The following NCALD variants were observed in gnomAD, a reference collection of about 807,000 sequenced individuals.
The protein encoded by NCALD is neurocalcin-delta.
A neutral mutation model predicts 18.6 loss-of-function variants in NCALD; 10 were observed. The ratio of observed to expected loss-of-function variants is 0.54; its 90% confidence interval spans 0.33 to 0.91. The LOEUF (loss-of-function observed/expected upper bound fraction) is 0.91, where lower values mean the gene tolerates loss of function less well. Among genes scored for constraint, NCALD ranks in the 40% least tolerant of loss-of-function variants. NCALD has a pLI of 0.03. For synonymous variants in NCALD, 88 were observed against 87.4 expected (o/e 1.01, Z -0.04); for missense variants, 184 against 247.6 (o/e 0.74, Z 1.72).
chr8:102,057,962 A>C (rs750472767), intron 1 of NCALD, among the ~76,000 whole-genome samples: 1 of 152,364 alleles, frequency 6.6e-6, no homozygotes, highest in East Asian at 1.9e-4. Flanking sequence ...AAAGTCCACT[A>C]TTGCTCAGAG....
At chr8:101,995,013 A>G (rs1330009034) in intron 2 of NCALD, among the ~76,000 whole-genome samples, 1 of 151,916 alleles carries the variant, frequency 6.6e-6, no homozygotes, top group Non-Finnish European at 1.5e-5. Context: ...AGCCTTGTAT[A>G]TGGTAGGATT....
intron 4 of NCALD, among the ~76,000 whole-genome samples, chr8:101,867,382 C>G (rs1465706576): frequency 1.3e-5 from 2 of 152,198 alleles, no homozygotes; most frequent in Admixed American, 6.5e-5. Flanking sequence ...CGCTTTCCCC[C>G]CAGGACCTAG....
chr8:102,049,306 C>A (rs1322047060), intron 1 of NCALD, among the ~76,000 whole-genome samples: 2 of 152,176 alleles, frequency 1.3e-5, no homozygotes, highest in Non-Finnish European at 2.9e-5. Flanking sequence ...GGATCCAATC[C>A]CCCATGGATA....
intron 2 of NCALD, among the ~76,000 whole-genome samples, chr8:101,983,496 A>G (rs1259147047): frequency 6.6e-6 from 1 of 152,148 alleles, no homozygotes; most frequent in Non-Finnish European, 1.5e-5. Context: ...CCCTTTTCTT[A>G]GTAGAGAGAA....
chr8:102,061,184 C>G (rs1433660905), intron 1 of NCALD, among the ~76,000 whole-genome samples: 4 of 152,176 alleles, frequency 2.6e-5, no homozygotes, highest in African/African-American at 9.7e-5. Context: ...ACAGAATGAC[C>G]ATCTGCAGAA....
chr8:102,091,780 C>T (rs1824932472), intron 1 of NCALD, among the ~76,000 whole-genome samples: 1 of 152,184 alleles, frequency 6.6e-6, no homozygotes, highest in Non-Finnish European at 1.5e-5. Context: ...CCTCACCATA[C>T]TAATGCTTTC....
chr8:102,066,073 T>G (rs1455043384), intron 1 of NCALD, among the ~76,000 whole-genome samples: 2 of 152,138 alleles, frequency 1.3e-5, no homozygotes, highest in African/African-American at 4.8e-5. Flanking sequence ...TAACAAGTAG[T>G]AAAATGAGCC....
intron 4 of NCALD, among the ~76,000 whole-genome samples, chr8:101,802,828 C>T (rs572218878): frequency 6.6e-6 from 1 of 151,118 alleles, no homozygotes; most frequent in Non-Finnish European, 1.5e-5. Context: ...ATGAGGGCAA[C>T]CCGCTCGGGT....
At chr8:101,883,486 G>A (rs1364748158) in intron 4 of NCALD, among the ~76,000 whole-genome samples, 2 of 152,178 alleles carry the variant, frequency 1.3e-5, no homozygotes, top group South Asian at 2.1e-4. Context: ...ACTCCAGAAT[G>A]AGGCACAGGG....
At chr8:101,910,682 GGTT>G (rs1380045096) in intron 3 of NCALD, among the ~76,000 whole-genome samples, 1 of 152,136 alleles carries the variant, frequency 6.6e-6, no homozygotes, top group Non-Finnish European at 1.5e-5. Context: ...AAGATCTAGT[GGTT>G]GTTCTATTCC....
intron 4 of NCALD, among the ~76,000 whole-genome samples, chr8:101,884,648 C>G (rs1359569769): frequency 1.3e-5 from 2 of 152,190 alleles, no homozygotes; most frequent in Non-Finnish European, 2.9e-5. Flanking sequence ...TGCAAAATTG[C>G]TGGGAAATAA....
chr8:101,726,926 C>T (rs1048667417), intron 1 of NCALD, among the ~76,000 whole-genome samples: 1 of 152,126 alleles, frequency 6.6e-6, no homozygotes, highest in East Asian at 1.9e-4. Flanking sequence ...GATCACATGG[C>T]ATTTAGGCTC....
At chr8:102,015,921 G>A (rs1475363971) in intron 2 of NCALD, among the ~76,000 whole-genome samples, 1 of 152,174 alleles carries the variant, frequency 6.6e-6, no homozygotes, top group Non-Finnish European at 1.5e-5. Context: ...CCAGGGTTCT[G>A]CAATGAACAC....
chr8:101,719,574 C>T lies in NCALD; in HGVS notation c.56G>A (p.Ser19Asn), dbSNP rs1441629482. Residue 19 changes from serine (S) to asparagine (N), a missense_variant, in exon 2 of 4, where the codon AGC (serine) becomes AAC (asparagine). Ser to Asn is a conservative substitution (Grantham distance 46, BLOSUM62 1). Coordinates refer to ENST00000220931, the MANE Select transcript of NCALD (RefSeq NM_032041.3). Reference protein sequence around the residue: ...RPEVMQDLLESTDFTEHEIQE... With the variant: ...RPEVMQDLLENTDFTEHEIQE... The stretch of plus-strand genomic sequence containing the variant: ...GATCTCATGCTCTGTAAAGTCTGTG[C>T]TTTCCAGCAAGTCCTGCATGACCTC... 2 of 1,612,266 alleles carry T rather than the reference C, an allele frequency of 1.2e-6. No homozygotes were observed. Among genetic ancestry groups the T allele is most frequent in the Admixed American group, 3.4e-5 (2 of 59,696 alleles).
chr8:101,825,157 C>T (rs1813880206), intron 4 of NCALD, among the ~76,000 whole-genome samples: 1 of 152,224 alleles, frequency 6.6e-6, no homozygotes, highest in African/African-American at 2.4e-5. Context: ...TCCAAAATGG[C>T]AATCATAGGA....
intron 1 of NCALD, among the ~76,000 whole-genome samples, chr8:102,043,373 G>A (rs1586969810): frequency 6.6e-6 from 1 of 151,898 alleles, no homozygotes; most frequent in Non-Finnish European, 1.5e-5. Context: ...GCTGCCTTCT[G>A]TAATTGTTTC....
intron 2 of NCALD, among the ~76,000 whole-genome samples, chr8:101,949,686 A>T (rs1819313918): frequency 6.6e-6 from 1 of 152,172 alleles, no homozygotes; most frequent in South Asian, 2.1e-4. Context: ...AGGCCATCCA[A>T]ATAGACCAAG....
At chr8:102,039,557 A>C (rs1822980737) in intron 1 of NCALD, among the ~76,000 whole-genome samples, 2 of 152,090 alleles carry the variant, frequency 1.3e-5, no homozygotes, top group Non-Finnish European at 2.9e-5. Context: ...AGTGAATAGG[A>C]ACTAAGATTC....
At chr8:101,870,106 T>C (rs1471801352) in intron 4 of NCALD, among the ~76,000 whole-genome samples, 1 of 152,204 alleles carries the variant, frequency 6.6e-6, no homozygotes, top group African/African-American at 2.4e-5. Flanking sequence ...CAATACTAAC[T>C]CACCAGACGA....
Sources: allele counts gnomAD v4.1 joint callset (sites outside exome capture counted in the v4.1 genomes callset), GRCh38; gene constraint gnomAD v4.1.1; transcripts MANE v1.5; gene names NCBI Gene and HGNC (gene_info 2026-07-23, HGNC 2026-07-21).